Variants in TMEM164 observed in about 807,000 individuals in gnomAD.
The protein encoded by TMEM164 is transmembrane protein 164.
In TMEM164, 4 loss-of-function variants were observed where a neutral mutation model predicts 18.8. The ratio of observed to expected loss-of-function variants is 0.21; its 90% CI spans 0.10 to 0.49. The LOEUF is 0.49. Ranked by LOEUF, TMEM164 falls within the 20% of genes least tolerant of loss-of-function variation. The pLI is 0.98. For missense variants in TMEM164, 108 were observed against 239.9 expected, an observed-to-expected ratio of 0.45 and a Z score of 3.63; for synonymous variants, 86 against 101.7, an observed-to-expected ratio of 0.85 and a Z score of 0.93.
chrX:110,056,389 T>C lies in TMEM164; in HGVS notation c.391-10958T>C, dbSNP rs751018605. Among the ~76,000 whole-genome samples, 5 of 112,492 alleles carry C rather than the reference T, an allele frequency of 4.4e-5. No individual in the cohort carries two copies. In the East Asian group the frequency reaches 1.4e-3, roughly 31 times the overall value. On this transcript the variant is annotated intron_variant, in intron 2 of 6. Coordinates refer to ENST00000372068, the MANE Select transcript of TMEM164 (RefSeq NM_032227.4). Reference sequence around the variant, plus strand: ...ATTTTTATGGCCAATTAATATTCCATTTTAAGGATATGCCACATTTTATGT... The same window carrying C: ...ATTTTTATGGCCAATTAATATTCCACTTTAAGGATATGCCACATTTTATGT...
chrX:110,160,772 G>C (rs1184214059), intron 5 of TMEM164, among the ~76,000 whole-genome samples: 1 of 111,987 alleles, frequency 8.9e-6, no homozygotes, highest in Non-Finnish European at 1.9e-5. Flanking sequence ...ACAGAGTCTT[G>C]CTCCGTCACC....
chrX:110,101,948 C>T (rs1373261492), intron 3 of TMEM164, among the ~76,000 whole-genome samples: 1 of 109,032 alleles, frequency 9.2e-6, no homozygotes, highest in Non-Finnish European at 1.9e-5. Context: ...TTTCTGCTTG[C>T]CTTGGGTTTA....
At chrX:110,023,052 G>T (rs1182313344) in intron 2 of TMEM164, among the ~76,000 whole-genome samples, 2 of 111,929 alleles carry the variant, frequency 1.8e-5, no homozygotes, top group Non-Finnish European at 3.8e-5. Flanking sequence ...TGAACCTAAT[G>T]GCCTGTGTTA....
chrX:110,038,091 C>A (rs1240755401), intron 2 of TMEM164, among the ~76,000 whole-genome samples: 1 of 104,121 alleles, frequency 9.6e-6, no homozygotes, highest in African/African-American at 3.6e-5. Flanking sequence ...CCCGGGTTCA[C>A]GCCATTCTCC....
intron 5 of TMEM164, among the ~76,000 whole-genome samples, chrX:110,151,216 C>T (rs1007173953): frequency 1.8e-5 from 2 of 112,021 alleles, no homozygotes; most frequent in East Asian, 2.8e-4. Flanking sequence ...TGCCATTTTG[C>T]GTGTGTGCAA....
At chrX:110,028,715 G>C (rs1934316581) in intron 2 of TMEM164, among the ~76,000 whole-genome samples, 1 of 111,510 alleles carries the variant, frequency 9.0e-6, no homozygotes, top group South Asian at 3.7e-4. Flanking sequence ...TGTATGTTCT[G>C]TTTCTTTGAA....
At chrX:110,124,994 C>T (rs1180177860) in intron 4 of TMEM164, among the ~76,000 whole-genome samples, 1 of 112,414 alleles carries the variant, frequency 8.9e-6, no homozygotes, top group Non-Finnish European at 1.9e-5. Flanking sequence ...TCCTTAAAAT[C>T]ATCAAAGATA....
chrX:110,087,730 A>T (rs1315858073), intron 3 of TMEM164, among the ~76,000 whole-genome samples: 1 of 111,557 alleles, frequency 9.0e-6, no homozygotes, highest in Non-Finnish European at 1.9e-5. Flanking sequence ...CAGAAAGTGT[A>T]CAGTACCCCT....
intron 4 of TMEM164, among the ~76,000 whole-genome samples, chrX:110,114,148 A>G (rs933677178): frequency 8.9e-6 from 1 of 111,932 alleles, no homozygotes; most frequent in African/African-American, 3.3e-5. Flanking sequence ...TTTCTATTCC[A>G]TGAATGAAAT....
At chrX:110,052,389 C>G (rs1935599409) in intron 2 of TMEM164, among the ~76,000 whole-genome samples, 1 of 112,560 alleles carries the variant, frequency 8.9e-6, no homozygotes, top group Admixed American at 9.4e-5. Context: ...TCCACTAGTT[C>G]TTCTCCCCAG....
chrX:110,182,641 C>T (rs2067327906), downstream of TMEM164: 2 of 111,646 alleles, frequency 1.8e-5, no homozygotes, highest in Admixed American at 1.9e-4. Context: ...TCCTGAACTC[C>T]CTGGGTTGAT....
At chrX:110,032,214 T>C (rs1934548704) in intron 2 of TMEM164, among the ~76,000 whole-genome samples, 1 of 112,175 alleles carries the variant, frequency 8.9e-6, no homozygotes, top group African/African-American at 3.2e-5. Context: ...GCTATGTTTA[T>C]GTGTGTTGGG....
At chrX:110,097,416 G>T (rs1276292299) in intron 3 of TMEM164, among the ~76,000 whole-genome samples, 2 of 112,810 alleles carry the variant, frequency 1.8e-5, no homozygotes, top group African/African-American at 3.2e-5. Context: ...ATTCAGCAGT[G>T]AAAAACAGAT....
intron 2 of TMEM164, among the ~76,000 whole-genome samples, chrX:110,035,555 G>T (rs1934754471): frequency 9.2e-6 from 1 of 108,589 alleles, no homozygotes. Flanking sequence ...CCAGGCTGGA[G>T]TGCAGTGGCA....
chrX:110,103,065 A>G (rs1284903104), intron 3 of TMEM164, among the ~76,000 whole-genome samples: 4 of 112,563 alleles, frequency 3.6e-5, no homozygotes, highest in African/African-American at 1.3e-4. Context: ...ATATTGCCTC[A>G]GATTCTTACC....
At chrX:110,011,639 C>G (rs1933012992) in intron 2 of TMEM164, among the ~76,000 whole-genome samples, 2 of 112,099 alleles carry the variant, frequency 1.8e-5, no homozygotes, top group Admixed American at 9.4e-5. Context: ...ATGTGGAGAG[C>G]AGTGATTATC....
intron 4 of TMEM164, among the ~76,000 whole-genome samples, chrX:110,137,772 T>A (rs2066711944): frequency 8.9e-6 from 1 of 112,617 alleles, no homozygotes; most frequent in African/African-American, 3.2e-5. Context: ...TCTTCATTAT[T>A]GCCACATAGC....
intron 3 of TMEM164, among the ~76,000 whole-genome samples, chrX:110,106,804 C>G (rs779208253): frequency 9.0e-6 from 1 of 110,898 alleles, no homozygotes; most frequent in Non-Finnish European, 1.9e-5. Flanking sequence ...TCACTGAAGG[C>G]CTGGAATGGC....
intron 4 of TMEM164, among the ~76,000 whole-genome samples, chrX:110,116,392 G>T (rs1481370494): frequency 8.9e-6 from 1 of 111,743 alleles, no homozygotes; most frequent in East Asian, 2.8e-4. Flanking sequence ...GTCTGGAAAG[G>T]CTTCATGAAG....
Sources: allele counts gnomAD v4.1 joint callset (sites outside exome capture counted in the v4.1 genomes callset), GRCh38; gene constraint gnomAD v4.1.1; transcripts MANE v1.5; gene names NCBI Gene and HGNC (gene_info 2026-07-23, HGNC 2026-07-21).